NFATC1: variants seen among roughly 807,000 people sequenced by gnomAD.
NFATC1 encodes the protein nuclear factor of activated T-cells, cytoplasmic 1.
NFATC1 carries 22 observed loss-of-function variants against 76.0 expected under a neutral mutation model. The ratio of observed to expected loss-of-function variants is 0.29; its 90% CI spans 0.21 to 0.41. The LOEUF is 0.41. NFATC1 is among the 10% of genes least tolerant of loss of function. The pLI is 1.00. For missense variants in NFATC1, 1,357 were observed against 1,337.7 expected, an observed-to-expected ratio of 1.01 and a Z score of -0.23; for synonymous variants, 704 against 613.1, an observed-to-expected ratio of 1.15 and a Z score of -2.19.
At chr18:79,480,933 A>T (rs567049798) in intron 8 of NFATC1, among the ~76,000 whole-genome samples, 2 of 152,246 alleles carry the variant, frequency 1.3e-5, no homozygotes, top group Non-Finnish European at 2.9e-5. Context: ...CCTTCCAGCC[A>T]TGTGCTTTTG....
At chr18:79,503,191 C>G (rs550544415) in intron 9 of NFATC1, among the ~76,000 whole-genome samples, 2 of 152,234 alleles carry the variant, frequency 1.3e-5, no homozygotes, top group Non-Finnish European at 2.9e-5. Flanking sequence ...CCCTCATGCT[C>G]TGGGAAAAAT....
At chr18:79,406,992 C>T (rs958016876) in intron 1 of NFATC1, among the ~76,000 whole-genome samples, 5 of 152,206 alleles carry the variant, frequency 3.3e-5, no homozygotes, top group African/African-American at 9.6e-5. Context: ...CTGATGCAGC[C>T]GGCTCAGGGG....
chr18:79,443,728 G>A (rs1048165386), intron 3 of NFATC1, among the ~76,000 whole-genome samples: 2 of 152,248 alleles, frequency 1.3e-5, no homozygotes, highest in East Asian at 1.9e-4. Flanking sequence ...GGGCAGGTAC[G>A]ATCGATCCTG....
At chr18:79,452,494 G>A (rs555909216) in intron 6 of NFATC1, among the ~76,000 whole-genome samples, 84 of 152,326 alleles carry the variant, frequency 5.5e-4, no homozygotes, top group African/African-American at 1.9e-3. Flanking sequence ...ACTGTCCTGC[G>A]GGGATTGGGC....
chr18:79,490,350 G>A (rs2089642838), intron 9 of NFATC1, among the ~76,000 whole-genome samples: 1 of 151,864 alleles, frequency 6.6e-6, no homozygotes, highest in Non-Finnish European at 1.5e-5. Context: ...CGGTCATGGT[G>A]GGGTGGTCTC....
chr18:79,401,145 A>ACGCCTGGGCCTGGGCC lies in NFATC1; in HGVS notation c.127+4795_127+4796insGCCTGGGCCTGGGCCC, dbSNP rs1555897022. Among the ~76,000 whole-genome samples the ACGCCTGGGCCTGGGCC allele has an allele frequency of 2.5e-4, 38 of 150,866 alleles. 2 individuals carry two copies. The East Asian group carries it at 6.3e-3, about 25-fold the overall frequency. On this transcript the variant is annotated intron_variant, in intron 1 of 9. Transcript: ENST00000427363. ...AGAGCAGCGAGTGAGTGGGGTGGGC[A>ACGCCTGGGCCTGGGCC]CCCCTGGGCCTGGGCCCCTCTCCCG...
chr18:79,501,129 A>G (rs2090004177), intron 9 of NFATC1, among the ~76,000 whole-genome samples: 1 of 152,252 alleles, frequency 6.6e-6, no homozygotes, highest in South Asian at 2.1e-4. Context: ...ATTTTACACC[A>G]TGACCAAGTG....
Position 79,505,911 on chromosome 18 carries a change from T to G in NFATC1, c.2782+18974T>G, listed in dbSNP as rs143881092. Among the ~76,000 whole-genome samples, 879 of 139,636 alleles carry G rather than the reference T, an allele frequency of 6.3e-3. 9 individuals carry two copies. The highest frequency in any genetic ancestry group is 0.018 in the African/African-American group (663 of 37,322). 91.6% of individuals were successfully genotyped at this position (139,636 alleles called of 152,430 possible). A position where few individuals can be genotyped will look rare whatever the true frequency, so the allele number is the denominator to read the frequency against. On this transcript the variant is annotated intron_variant, in intron 9 of 9. Transcript: ENST00000427363. ...ATGAGGGAAGAGGCAGGAGACCGCTTTGTGGGAAGAGGTGGTGGACGAGCC... is the reference window on the plus strand; with the variant it reads ...ATGAGGGAAGAGGCAGGAGACCGCTGTGTGGGAAGAGGTGGTGGACGAGCC...
At chr18:79,506,689 A>G (rs114155676) in intron 9 of NFATC1, among the ~76,000 whole-genome samples, 1 of 152,314 alleles carries the variant, frequency 6.6e-6, no homozygotes, top group African/African-American at 2.4e-5. Flanking sequence ...CGTAGGGAAT[A>G]AAAATGTGTG....
chr18:79,476,602 T>C (rs1191337395), intron 8 of NFATC1, among the ~76,000 whole-genome samples: 1 of 151,998 alleles, frequency 6.6e-6, no homozygotes, highest in African/African-American at 2.4e-5. Context: ...TCTGCGTCTG[T>C]TTTCACGCTT....
chr18:79,437,455 C>T (rs2086820276), intron 3 of NFATC1, among the ~76,000 whole-genome samples: 1 of 152,214 alleles, frequency 6.6e-6, no homozygotes, highest in Non-Finnish European at 1.5e-5. Context: ...ACCTTGGCCA[C>T]CAGTTCTCGG....
In NFATC1 at chr18:79,486,394, G is replaced by T; in HGVS notation, c.2239G>T (p.Gly747Cys). ...CGACCCCAGCTCCTGCCTCGTGGCC[G>T]GCTTCCCGCCCTGTCCGCAGAGAAG... ...PPDPSSCLVAGFPPCPQRSTL... is the reference protein window; with the variant it reads ...PPDPSSCLVACFPPCPQRSTL... The change falls in exon 9 of 10, where the codon GGC becomes TGC. Residue 747 changes from glycine (G) to cysteine (C), a missense_variant. This residue lies in a region of NFATC1 where 424 missense variants were observed against 395.4 expected (regional missense o/e 1.07). Transcript: ENST00000427363. 1 of 1,612,806 alleles carries T rather than the reference G, an allele frequency of 6.2e-7. No homozygotes were observed. The highest frequency in any genetic ancestry group is 8.5e-7 in the Non-Finnish European group (1 of 1,179,956).
chr18:79,396,195 G>T lies in NFATC1; in HGVS notation c.-30G>T, dbSNP rs767878913. The T allele has an allele frequency of 2.1e-6, 3 of 1,449,480 alleles. No homozygotes were observed. Among genetic ancestry groups the T allele is most frequent in the Admixed American group, 4.4e-5 (2 of 45,392 alleles). 89.8% of individuals were successfully genotyped at this position (1,449,480 alleles called of 1,614,324 possible). A position where few individuals can be genotyped will look rare whatever the true frequency, so the allele number is the denominator to read the frequency against. Reference sequence around the variant, plus strand: ...GGCCGCTTCTCCTGTGCCTCCGCCCGCCGCTCCACTCCCCGCCGCCGCCGC... The same window carrying T: ...GGCCGCTTCTCCTGTGCCTCCGCCCTCCGCTCCACTCCCCGCCGCCGCCGC... On this transcript the variant is annotated 5_prime_UTR_variant, in exon 1 of 10. Transcript: ENST00000427363.
In NFATC1 at chr18:79,396,044, C is replaced by A. The variant is rs1325394265; in HGVS notation, c.-181C>A. ...CAGGGCTCGGAGCCACCGCGCAGGT[C>A]CTAGGGCCGCGGCCGGGCCCCGCCA... On this transcript the variant is annotated 5_prime_UTR_variant, in exon 1 of 10. Transcript: ENST00000427363. 3 of 677,700 alleles carry A rather than the reference C, an allele frequency of 4.4e-6. No individual in the cohort carries two copies. The highest frequency in any genetic ancestry group is 5.8e-6 in the Non-Finnish European group (3 of 515,712). 42.0% of individuals were successfully genotyped at this position (677,700 alleles called of 1,614,324 possible). A position where few individuals can be genotyped will look rare whatever the true frequency, so the allele number is the denominator to read the frequency against.
intron 8 of NFATC1, among the ~76,000 whole-genome samples, chr18:79,476,628 G>T (rs2089083143): frequency 6.6e-6 from 1 of 152,166 alleles, no homozygotes; most frequent in African/African-American, 2.4e-5. Flanking sequence ...TGTGTAGGAA[G>T]CCCCCCACCG....
intron 2 of NFATC1, among the ~76,000 whole-genome samples, 180 bp from the exon 3 acceptor site, chr18:79,433,399 C>T (rs183747080): frequency 3.3e-5 from 5 of 152,334 alleles, no homozygotes; most frequent in Non-Finnish European, 5.9e-5. Flanking sequence ...CTGGCCGGGC[C>T]GTGGCCACAG....
rs774688540 is a variant in NFATC1, at chr18:79,486,305, C to T, written c.2150C>T (p.Pro717Leu). ...TATGAGCCTGCTCCAACCTGTGGAC[C>T]GGTGAGCCAGGGGTTAAGTCCTCTC... Reference protein sequence around the residue: ...DDYEPAPTCGPVSQGLSPLPR... With the variant: ...DDYEPAPTCGLVSQGLSPLPR... Residue 717 changes from proline (P) to leucine (L), a missense_variant, in exon 9 of 10, where the codon CCG (proline) becomes CTG (leucine). Pro to Leu is a moderately conservative substitution (Grantham distance 98, BLOSUM62 -3). This residue lies in a region of NFATC1 where 424 missense variants were observed against 395.4 expected (regional missense o/e 1.07). Transcript: ENST00000427363. 121 of 1,613,050 alleles carry T rather than the reference C, an allele frequency of 7.5e-5. No individual in the cohort carries two copies. Among genetic ancestry groups the T allele is most frequent in the East Asian group, 3.8e-4 (17 of 44,894 alleles).
chr18:79,439,261 G>A (rs1207614591), intron 3 of NFATC1, among the ~76,000 whole-genome samples: 1 of 152,198 alleles, frequency 6.6e-6, no homozygotes, highest in African/African-American at 2.4e-5. Flanking sequence ...GGACGTCGCT[G>A]GGACACATTG....
chr18:79,506,556 T>C (rs890953760), intron 9 of NFATC1, among the ~76,000 whole-genome samples: 2 of 152,186 alleles, frequency 1.3e-5, no homozygotes, highest in Non-Finnish European at 2.9e-5. Flanking sequence ...AGATGCTCAG[T>C]GCTGGGGGAA....
Sources: gnomAD v4.1 joint callset for allele counts (sites outside exome capture counted in the v4.1 genomes callset) on GRCh38, gnomAD v4.1.1 for gene constraint, gnomAD v4.1.1 regional missense constraint, MANE v1.5 for transcripts, NCBI Gene and HGNC (gene_info 2026-07-23, HGNC 2026-07-21) for gene names.